Variants in DOK6 observed in about 807,000 individuals in gnomAD.
The protein encoded by DOK6 is downstream of tyrosine kinase 6.
Under a neutral mutation model 44.0 loss-of-function variants are expected in DOK6, and 22 were observed. That is an observed-to-expected ratio of 0.50 (90% CI 0.36 to 0.71). The LOEUF (loss-of-function observed/expected upper bound fraction) is 0.71, where lower values mean the gene tolerates loss of function less well. Among genes scored for constraint, DOK6 ranks in the 30% least tolerant of loss-of-function variants. The pLI is 0.00. For missense variants in DOK6, 340 were observed against 416.4 expected, an observed-to-expected ratio of 0.82 and a Z score of 1.60; for synonymous variants, 166 against 145.5, an observed-to-expected ratio of 1.14 and a Z score of -1.01.
intron 7 of DOK6, among the ~76,000 whole-genome samples, chr18:69,836,072 G>A (rs1481061459): frequency 2.6e-5 from 4 of 152,204 alleles, no homozygotes; most frequent in African/African-American, 7.2e-5. Flanking sequence ...AATTCCTCGG[G>A]AAGGAGAGGA....
rs1424409694 is a variant in DOK6, at chr18:69,430,319, A to AT, written c.66+29014dup. On this transcript the variant is annotated intron_variant, in intron 1 of 7. Coordinates refer to ENST00000382713, the MANE Select transcript of DOK6 (RefSeq NM_152721.6). ...TAGTTAATGACAAGGAAAGTAGGTC[A>AT]TTTTTGGCTTATTCAGATTTAAGGT... 3.3e-5 allele frequency among the ~76,000 whole-genome samples: 5 copies of AT among 152,296 alleles called. No individual in the cohort carries two copies. The East Asian group carries it at 9.7e-4, about 29-fold the overall frequency.
At chr18:69,761,706 T>A (rs1979560793) in intron 7 of DOK6, among the ~76,000 whole-genome samples, 1 of 152,104 alleles carries the variant, frequency 6.6e-6, no homozygotes, top group South Asian at 2.1e-4. Flanking sequence ...CTTGTCCCAC[T>A]GATGGGAAGT....
chr18:69,822,900 A>G (rs751225611), intron 7 of DOK6, among the ~76,000 whole-genome samples: 14 of 152,190 alleles, frequency 9.2e-5, no homozygotes, highest in Admixed American at 6.5e-5. Context: ...TTATTCTCAT[A>G]CCTATAGCAT....
intron 5 of DOK6, among the ~76,000 whole-genome samples, chr18:69,701,554 T>C (rs1986521355): frequency 6.6e-6 from 1 of 152,190 alleles, no homozygotes; most frequent in Admixed American, 6.5e-5. Context: ...TAAGCAAAAA[T>C]CAAGATGAGT....
At chr18:69,674,731 GAGCCTTTGGCAT>G (rs1440345942) in intron 3 of DOK6, among the ~76,000 whole-genome samples, 4 of 151,918 alleles carry the variant, frequency 2.6e-5, no homozygotes, top group Admixed American at 2.6e-4. Context: ...TCACTCTGCT[GAGCCTTTGGCAT>G]AGCTCCTCAG....
intron 2 of DOK6, among the ~76,000 whole-genome samples, chr18:69,587,856 A>G (rs1983541940): frequency 1.3e-5 from 2 of 151,926 alleles, no homozygotes; most frequent in Non-Finnish European, 2.9e-5. Flanking sequence ...GATTTTCTGT[A>G]TTTCCCAGAC....
At chr18:69,764,195 T>A (rs1979647683) in intron 7 of DOK6, among the ~76,000 whole-genome samples, 1 of 152,178 alleles carries the variant, frequency 6.6e-6, no homozygotes, top group Admixed American at 6.6e-5. Context: ...CTACACCTGC[T>A]GCCTTCTCTC....
chr18:69,720,776 G>C (rs1251562532), intron 5 of DOK6, among the ~76,000 whole-genome samples: 1 of 152,056 alleles, frequency 6.6e-6, no homozygotes. Context: ...AGATAGACAA[G>C]TTTTATTTTT....
chr18:69,824,150 T>A (rs1981662786), intron 7 of DOK6, among the ~76,000 whole-genome samples: 1 of 151,092 alleles, frequency 6.6e-6, no homozygotes, highest in African/African-American at 2.4e-5. Context: ...ACCCATTAAC[T>A]CGTCATTTAA....
rs1057327662 is a variant in DOK6, at chr18:69,664,141, G to A, written c.290-13593G>A. 9.2e-5 allele frequency among the ~76,000 whole-genome samples: 14 copies of A among 152,208 alleles called. No homozygotes were observed. The South Asian group carries it at 2.9e-3, about 32-fold the overall frequency. On this transcript the variant is annotated intron_variant, in intron 3 of 7. Coordinates refer to ENST00000382713, the MANE Select transcript of DOK6 (RefSeq NM_152721.6). ...GTTTGTGTTAATTAATTTCAGAATCGAATATTTGAAATTCTTGTAGTTTTA... is the reference window on the plus strand; with the variant it reads ...GTTTGTGTTAATTAATTTCAGAATCAAATATTTGAAATTCTTGTAGTTTTA...
chr18:69,407,705 G>A (rs1477486391), intron 1 of DOK6, among the ~76,000 whole-genome samples: 1 of 152,182 alleles, frequency 6.6e-6, no homozygotes, highest in Non-Finnish European at 1.5e-5. Flanking sequence ...ATAAGCAAGA[G>A]CAGAAATTAA....
At chr18:69,652,775 A>C (rs191471747) in intron 3 of DOK6, among the ~76,000 whole-genome samples, 22 of 152,290 alleles carry the variant, frequency 1.4e-4, no homozygotes, top group African/African-American at 5.3e-4. Context: ...ATACAGCCTT[A>C]AGTAAACTGG....
intron 1 of DOK6, among the ~76,000 whole-genome samples, chr18:69,496,839 TC>T (rs1242201354): frequency 6.6e-6 from 1 of 152,192 alleles, no homozygotes; most frequent in Non-Finnish European, 1.5e-5. Flanking sequence ...TTTTCAGGCT[TC>T]CAGAACTCAT....
At chr18:69,726,615 G>GTA (rs138163204) in intron 5 of DOK6, among the ~76,000 whole-genome samples, 10,421 of 151,516 alleles carry the variant, frequency 0.069, 384 homozygotes, top group Middle Eastern at 0.11. Context: ...ACAACAAATT[G>GTA]TATATATATA....
At chr18:69,616,071 T>C (rs1041085986) in intron 3 of DOK6, among the ~76,000 whole-genome samples, 1 of 152,212 alleles carries the variant, frequency 6.6e-6, no homozygotes, top group Non-Finnish European at 1.5e-5. Flanking sequence ...AAAATACTGA[T>C]GTATCCTGGT....
chr18:69,681,769 ATTGTGGAAAACAAATGTT>A (rs2144689163), intron 4 of DOK6, among the ~76,000 whole-genome samples: 1 of 152,346 alleles, frequency 6.6e-6, no homozygotes, highest in African/African-American at 2.4e-5. Context: ...CATAATAGCA[ATTGTGGAAAACAAATGTT>A]GCTTATTCAT....
intron 1 of DOK6, among the ~76,000 whole-genome samples, chr18:69,435,020 A>T: frequency 7.8e-6 from 1 of 128,530 alleles, no homozygotes; most frequent in Non-Finnish European, 1.7e-5. Context: ...TAGTGTAGGG[A>T]GGGAGGGAAG....
chr18:69,424,482 C>A (rs183572337), intron 1 of DOK6, among the ~76,000 whole-genome samples: 2 of 152,080 alleles, frequency 1.3e-5, no homozygotes, highest in Admixed American at 6.6e-5. Flanking sequence ...ACAAGAATGC[C>A]ATCTATATTT....
At chr18:69,554,999 T>C (rs1227333103) in intron 1 of DOK6, among the ~76,000 whole-genome samples, 2 of 152,224 alleles carry the variant, frequency 1.3e-5, no homozygotes, top group Non-Finnish European at 2.9e-5. Context: ...TTTGGATTAT[T>C]TACATATTCT....
Sources: gnomAD v4.1 joint callset for allele counts (sites outside exome capture counted in the v4.1 genomes callset) on GRCh38, gnomAD v4.1.1 for gene constraint, MANE v1.5 for transcripts, NCBI Gene and HGNC (gene_info 2026-07-23, HGNC 2026-07-21) for gene names.